WWOX: variants seen among roughly 807,000 people sequenced by gnomAD.
WWOX encodes WW domain-containing oxidoreductase.
In WWOX, 69 loss-of-function variants were observed where a neutral mutation model predicts 46.2. The observed-to-expected ratio is 1.49, with a 90% CI of 1.23 to 1.82. The LOEUF (loss-of-function observed/expected upper bound fraction) is 1.82, where lower values mean the gene tolerates loss of function less well. Among genes scored for constraint, WWOX ranks in the 40% most tolerant of loss-of-function variants. WWOX has a pLI of 0.00. For missense variants in WWOX, 919 were observed against 542.6 expected, an observed-to-expected ratio of 1.69 and a Z score of -6.89; for synonymous variants, 359 against 202.6, an observed-to-expected ratio of 1.77 and a Z score of -6.56.
At chr16:78,279,553 G>A (rs2079639774) in intron 5 of WWOX, among the ~76,000 whole-genome samples, 1 of 152,132 alleles carries the variant, frequency 6.6e-6, no homozygotes, top group African/African-American at 2.4e-5. Flanking sequence ...TTTCCAAAAA[G>A]AGAGTTAGTT....
intron 8 of WWOX, among the ~76,000 whole-genome samples, chr16:78,609,324 G>A (rs1011695309): frequency 5.3e-5 from 8 of 151,990 alleles, no homozygotes; most frequent in Admixed American, 2.0e-4. Flanking sequence ...CATTTTCAAG[G>A]GGAGGCTTAG....
chr16:78,742,805 C>T (rs1318953987), intron 8 of WWOX, among the ~76,000 whole-genome samples: 1 of 152,110 alleles, frequency 6.6e-6, no homozygotes, highest in Non-Finnish European at 1.5e-5. Context: ...GGAAACTTTG[C>T]GGGAATTCAC....
At chr16:78,852,564 T>C (rs925200441) in intron 8 of WWOX, among the ~76,000 whole-genome samples, 2 of 152,302 alleles carry the variant, frequency 1.3e-5, no homozygotes, top group Middle Eastern at 3.4e-3. Flanking sequence ...AATGACCATC[T>C]TGACTTAGGA....
intron 8 of WWOX, among the ~76,000 whole-genome samples, chr16:78,860,898 C>T (rs567396331): frequency 6.6e-6 from 1 of 152,140 alleles, no homozygotes; most frequent in Admixed American, 6.5e-5. Context: ...GTGCAGTGGC[C>T]TCAACCTCCC....
chr16:78,833,575 A>T (rs1046889427), intron 8 of WWOX, among the ~76,000 whole-genome samples: 3 of 152,072 alleles, frequency 2.0e-5, no homozygotes, highest in African/African-American at 7.2e-5. Context: ...TGGTGCTTGT[A>T]TCTGATTTTT....
intron 5 of WWOX, among the ~76,000 whole-genome samples, chr16:78,183,294 G>T (rs1000273033): frequency 6.6e-6 from 1 of 152,174 alleles, no homozygotes; most frequent in Non-Finnish European, 1.5e-5. Context: ...GGGAAGCAAG[G>T]CCTGTATTAT....
intron 8 of WWOX, among the ~76,000 whole-genome samples, chr16:79,014,089 G>C (rs141044067): frequency 1.3e-5 from 2 of 152,152 alleles, no homozygotes; most frequent in African/African-American, 4.8e-5. Context: ...TCTGCATTTC[G>C]TCGCTTTAGC....
chr16:78,541,627 G>A (rs1028258963), intron 8 of WWOX, among the ~76,000 whole-genome samples: 2 of 151,760 alleles, frequency 1.3e-5, no homozygotes, highest in Admixed American at 1.3e-4. Context: ...TGGCCAGACA[G>A]ACCTGGGATC....
At chr16:78,854,714 G>T (rs571551884) in intron 8 of WWOX, among the ~76,000 whole-genome samples, 1 of 152,084 alleles carries the variant, frequency 6.6e-6, no homozygotes, top group Admixed American at 6.6e-5. Flanking sequence ...CCAAGTAGTT[G>T]GGATTACAGG....
intron 8 of WWOX, among the ~76,000 whole-genome samples, chr16:78,527,242 C>G (rs931941812): frequency 6.6e-6 from 1 of 151,764 alleles, no homozygotes; most frequent in East Asian, 1.9e-4. Context: ...TTCTTCTAAG[C>G]TGGTAGCAGA....
intron 8 of WWOX, among the ~76,000 whole-genome samples, chr16:79,157,422 CAAAA>C (rs551488567): frequency 2.0e-4 from 21 of 106,800 alleles, no homozygotes; most frequent in African/African-American, 7.0e-4. Context: ...ATACAATGGC[CAAAA>C]AAAAAAAAAA....
intron 8 of WWOX, among the ~76,000 whole-genome samples, chr16:79,126,684 A>C (rs969740935): frequency 5.3e-5 from 8 of 152,200 alleles, no homozygotes; most frequent in Non-Finnish European, 8.8e-5. Flanking sequence ...TAATACAGCA[A>C]GGGAGCAGTG....
intron 8 of WWOX, among the ~76,000 whole-genome samples, chr16:78,622,266 G>A (rs2046207797): frequency 6.6e-6 from 1 of 151,966 alleles, no homozygotes; most frequent in Non-Finnish European, 1.5e-5. Flanking sequence ...CTTGTGGCTG[G>A]TCGCAGTGGC....
intron 5 of WWOX, among the ~76,000 whole-genome samples, chr16:78,281,847 C>T (rs139631264): frequency 1.4e-4 from 22 of 152,154 alleles, no homozygotes; most frequent in African/African-American, 4.8e-4. Context: ...TAGCTTTATT[C>T]AGAGCTTAAA....
chr16:78,916,395 A>G (rs1408674632), intron 8 of WWOX, among the ~76,000 whole-genome samples: 1 of 152,168 alleles, frequency 6.6e-6, no homozygotes, highest in Non-Finnish European at 1.5e-5. Flanking sequence ...CAAAAGTCAA[A>G]CATGGGAAGA....
At chr16:78,887,753 C>T (rs1028312130) in intron 8 of WWOX, among the ~76,000 whole-genome samples, 1 of 152,156 alleles carries the variant, frequency 6.6e-6, no homozygotes, top group Non-Finnish European at 1.5e-5. Flanking sequence ...ATCAAAATTC[C>T]CATTTGCCTT....
intron 8 of WWOX, among the ~76,000 whole-genome samples, chr16:78,586,335 A>T (rs1021619881): frequency 1.1e-4 from 16 of 152,172 alleles, no homozygotes; most frequent in African/African-American, 3.4e-4. Flanking sequence ...GCCATGAAAT[A>T]ATTACTCTAG....
intron 8 of WWOX, among the ~76,000 whole-genome samples, chr16:78,843,944 G>T (rs905990503): frequency 6.6e-6 from 1 of 152,132 alleles, no homozygotes; most frequent in African/African-American, 2.4e-5. Context: ...ACCGAAAAGC[G>T]TAATTACATT....
chr16:79,103,689 A>G (rs2049248861), intron 8 of WWOX, among the ~76,000 whole-genome samples: 1 of 152,220 alleles, frequency 6.6e-6, no homozygotes, highest in Non-Finnish European at 1.5e-5. Flanking sequence ...TTAGCTATTC[A>G]TAAAGGGTTT....
Sources: allele counts gnomAD v4.1 joint callset (sites outside exome capture counted in the v4.1 genomes callset), GRCh38; gene constraint gnomAD v4.1.1; transcripts MANE v1.5; gene names NCBI Gene and HGNC (gene_info 2026-07-23, HGNC 2026-07-21).